Variants in ZFHX3 observed in about 807,000 individuals in gnomAD.
The protein encoded by ZFHX3 is zinc finger homeobox 3.
Under a neutral mutation model 279.1 loss-of-function variants are expected in ZFHX3, and 42 were observed. The ratio of observed to expected loss-of-function variants is 0.15; its 90% CI spans 0.12 to 0.19. The LOEUF is 0.19. ZFHX3 is among the 10% of genes least tolerant of loss of function. The probability of loss-of-function intolerance (pLI) is 1.00; values close to 1 mark genes in which losing one functional copy is unlikely to be tolerated. For synonymous variants in ZFHX3, 2,293 were observed against 1,957.8 expected (o/e 1.17, Z -4.52); for missense variants, 4,981 against 4,754.0 (o/e 1.05, Z -1.40).
chr16:73,321,635 G>A (rs67265520), intron 3 of ZFHX3, among the ~76,000 whole-genome samples: 28,732 of 152,184 alleles, frequency 0.19, 2,813 homozygotes, highest in East Asian at 0.25. Context: ...GATGCAGCTT[G>A]GACATATTTA....
intron 2 of ZFHX3, among the ~76,000 whole-genome samples, chr16:73,651,680 CAAAAAAAAAAAA>C (rs57386925): frequency 2.4e-4 from 10 of 41,668 alleles, no homozygotes; most frequent in African/African-American, 5.2e-4. Flanking sequence ...ACTAAAAATA[CAAAAAAAAAAAA>C]AAAAAAAAAA....
chr16:73,017,338 G>T (rs1266284261), intron 1 of ZFHX3, among the ~76,000 whole-genome samples: 2 of 152,088 alleles, frequency 1.3e-5, no homozygotes, highest in Non-Finnish European at 2.9e-5. Flanking sequence ...AGGGGAGTGG[G>T]GTCTTAGTTT....
chr16:73,334,587 C>T (rs540949409), intron 3 of ZFHX3, among the ~76,000 whole-genome samples: 2 of 152,072 alleles, frequency 1.3e-5, no homozygotes, highest in Non-Finnish European at 2.9e-5. Flanking sequence ...TGCCCGCTCC[C>T]CAAAGGACCG....
At chr16:73,000,651 AAC>A (rs1441753587) in intron 1 of ZFHX3, among the ~76,000 whole-genome samples, 1 of 152,144 alleles carries the variant, frequency 6.6e-6, no homozygotes, top group African/African-American at 2.4e-5. Flanking sequence ...AACCCACAGA[AAC>A]ACACACTGGA....
In ZFHX3 at chr16:73,682,974, G is replaced by GA. The variant is rs1373913303; in HGVS notation, c.-1607-2735dup. 5.0e-3 allele frequency among the ~76,000 whole-genome samples: 147 copies of GA among 29,530 alleles called. 7 individuals carry two copies. The highest frequency in any genetic ancestry group is 0.014 in the African/African-American group (129 of 9,282). The allele number at this position is 29,530 out of a possible 152,430, so 19.4% of individuals were successfully genotyped here. On this transcript the variant is annotated intron_variant, in intron 1 of 17. Coordinates refer to the ZFHX3 transcript ENST00000641206. The stretch of plus-strand genomic sequence containing the variant: ...AGAAAGAAAGAAAGAAAGAAAGAAA[G>GA]AAAGAAAGAAAGAAAGAAAAGAAAG...
intron 4 of ZFHX3, among the ~76,000 whole-genome samples, chr16:72,843,457 G>C (rs564018367): frequency 1.4e-5 from 2 of 147,584 alleles, no homozygotes; most frequent in East Asian, 4.1e-4. Context: ...CTTGCAGTGA[G>C]CCGAGATCCC....
At chr16:73,041,392 C>A (rs1001420867) in intron 1 of ZFHX3, among the ~76,000 whole-genome samples, 1 of 118,344 alleles carries the variant, frequency 8.4e-6, no homozygotes, top group African/African-American at 4.1e-5. Context: ...CGACTGCCTC[C>A]GTTAAAAAAG....
chr16:73,596,520 T>C (rs2052052367), intron 2 of ZFHX3, among the ~76,000 whole-genome samples: 1 of 152,132 alleles, frequency 6.6e-6, no homozygotes, highest in African/African-American at 2.4e-5. Context: ...GCAAGAGGAT[T>C]TCTTTCAGCC....
intron 4 of ZFHX3, among the ~76,000 whole-genome samples, chr16:73,269,640 GTA>G (rs1258996732): frequency 6.6e-6 from 1 of 152,106 alleles, no homozygotes; most frequent in Non-Finnish European, 1.5e-5. Context: ...CTTTGTTTGG[GTA>G]TATGTTTTTA....
intron 2 of ZFHX3, among the ~76,000 whole-genome samples, chr16:73,580,516 A>AAC (rs1567524327): frequency 1.5e-4 from 22 of 151,232 alleles, no homozygotes; most frequent in Non-Finnish European, 2.5e-4. Flanking sequence ...AACAAAAAAA[A>AAC]AAAAACAGAG....
intron 7 of ZFHX3, chr16:73,127,613 A>C: frequency 7.7e-7 from 1 of 1,293,844 alleles, no homozygotes; most frequent in African/African-American, 1.5e-5. Flanking sequence ...CTGGCAGGCA[A>C]GAAAGGAACA....
At chr16:73,682,810 AAGAGAGAAAGAGAAAAGG>A (rs1425704648) in intron 1 of ZFHX3, among the ~76,000 whole-genome samples, 1 of 146,612 alleles carries the variant, frequency 6.8e-6, no homozygotes, top group Non-Finnish European at 1.5e-5. Context: ...GAAAGAAAGA[AAGAGAGAAAGAGAAAAGG>A]AGAGAGAGAG....
chr16:72,919,005 G>T (rs1779394827), intron 3 of ZFHX3, among the ~76,000 whole-genome samples: 1 of 151,752 alleles, frequency 6.6e-6, no homozygotes, highest in East Asian at 2.0e-4. Context: ...CTGTTTAGAG[G>T]TATTTCTATA....
chr16:73,278,639 C>T (rs536562618), intron 4 of ZFHX3, among the ~76,000 whole-genome samples: 3 of 152,318 alleles, frequency 2.0e-5, no homozygotes, highest in East Asian at 1.9e-4. Flanking sequence ...ACCCACGTTC[C>T]GTTTTTGTCC....
At chr16:73,125,027 G>A (rs1194354739) in intron 7 of ZFHX3, among the ~76,000 whole-genome samples, 1 of 152,106 alleles carries the variant, frequency 6.6e-6, no homozygotes, top group Non-Finnish European at 1.5e-5. Context: ...GGTGGAGAAG[G>A]TGAGAGAGTA....
chr16:72,878,359 C>T (rs532982394), intron 4 of ZFHX3, among the ~76,000 whole-genome samples: 8 of 152,264 alleles, frequency 5.3e-5, no homozygotes, highest in South Asian at 4.1e-4. Flanking sequence ...GTGCCAGTGC[C>T]GGTGACAGGC....
At chr16:73,484,327 C>T (rs1384207387) in intron 2 of ZFHX3, among the ~76,000 whole-genome samples, 1 of 152,206 alleles carries the variant, frequency 6.6e-6, no homozygotes, top group African/African-American at 2.4e-5. Context: ...TTGATTGAGG[C>T]TCTAATCTCT....
chr16:73,349,985 T>G (rs2016208488), intron 3 of ZFHX3, among the ~76,000 whole-genome samples: 1 of 150,768 alleles, frequency 6.6e-6, no homozygotes. Flanking sequence ...TACCCATGGC[T>G]TTTGCCTTTC....
chr16:73,664,813 C>T (rs143010925), intron 2 of ZFHX3, among the ~76,000 whole-genome samples: 13 of 152,300 alleles, frequency 8.5e-5, no homozygotes, highest in Middle Eastern at 3.4e-3. Flanking sequence ...CAGATACACC[C>T]GGAGGAAAGT....
Sources: allele counts gnomAD v4.1 joint callset (sites outside exome capture counted in the v4.1 genomes callset), GRCh38; gene constraint gnomAD v4.1.1; transcripts MANE v1.5; gene names NCBI Gene and HGNC (gene_info 2026-07-23, HGNC 2026-07-21).